MCAM: variants seen among roughly 807,000 people sequenced by gnomAD.
The protein encoded by MCAM is melanoma cell adhesion molecule, also known as cell surface glycoprotein MUC18.
Under a neutral mutation model 79.1 loss-of-function variants are expected in MCAM, and 55 were observed. That is an observed-to-expected ratio of 0.70 (90% CI 0.56 to 0.87). MCAM has a LOEUF of 0.87. Among genes scored for constraint, MCAM ranks in the 40% least tolerant of loss-of-function variants. The pLI, the probability that MCAM is intolerant of heterozygous loss-of-function variation, is 0.00. For synonymous variants in MCAM, 330 were observed against 339.8 expected, an observed-to-expected ratio of 0.97 and a Z score of 0.32; for missense variants, 745 against 839.8, an observed-to-expected ratio of 0.89 and a Z score of 1.40.
rs1224823871 is a variant in MCAM at position 119,311,254 on chromosome 11, A to T, written c.1549+26T>A. 1 of 1,613,614 alleles carries T rather than the reference A, an allele frequency of 6.2e-7. No individual in the cohort carries two copies. The highest frequency in any genetic ancestry group is 1.1e-5 in the South Asian group (1 of 91,074). On this transcript the variant is annotated intron_variant, in intron 12 of 15. Transcript: ENST00000264036. This position sits in a 1 kb window ranked among gnomAD's most constrained non-coding sequence, Gnocchi z 4.4. Reference sequence around the variant, plus strand: ...GCCCGTGCCTGGGCCTGCCCCTGCCATCCCCTGCAGGGATGCAGCCCTCAC... The same window carrying T: ...GCCCGTGCCTGGGCCTGCCCCTGCCTTCCCCTGCAGGGATGCAGCCCTCAC...
In MCAM at chr11:119,310,782, C is replaced by G. The variant is rs1412245066; in HGVS notation, c.1767G>C (p.Pro589=). 6.2e-7 allele frequency: 1 copy of G among 1,614,082 alleles called. No individual in the cohort carries two copies. The highest frequency in any genetic ancestry group is 1.1e-5 in the South Asian group (1 of 91,092). ...LYFLYKKGKL[P]CRRSGKQEIT... is the part of the protein sequence containing the mutation. ...TCTCCTGCTTCCCTGAGCGCCTGCA[C>G]GGCAGCTTGCCCTTCTTATAGAGGA... Residue 589 remains proline (P), a synonymous_variant, in exon 14 of 16, where the codon CCG becomes CCC. Transcript: ENST00000264036.
intron 4 of MCAM, 42 bp downstream of exon 4, chr11:119,314,637 G>A (rs6589732): frequency 0.41 from 655,262 of 1,610,622 alleles, 138,144 homozygotes; most frequent in Admixed American, 0.48. Flanking sequence ...CCATCTCAGC[G>A]GCTGCGCACC....
rs1251541175 is a variant in MCAM at position 119,315,649 on chromosome 11, G to A, written c.68-386C>T. 1 of 237,710 alleles carries A rather than the reference G, an allele frequency of 4.2e-6. No homozygotes were observed. The highest frequency in any genetic ancestry group is 8.5e-6 in the Non-Finnish European group (1 of 117,262). The allele number at this position is 237,710 out of a possible 1,614,324, so 14.7% of individuals were successfully genotyped here. ...GCATGTGCCAGGCTGGGGCACACAG[G>A]CCCTTTTGTGTCACCACCGCCAGGG... is the stretch of plus-strand genomic sequence containing the variant. On this transcript the variant is annotated intron_variant, in intron 1 of 15. Transcript: ENST00000264036. The surrounding 1 kb of genome is among the most constrained non-coding windows in gnomAD (Gnocchi z 4.4).
rs959299535 is a variant in MCAM at position 119,311,097 on chromosome 11, G to A, written c.1638C>T (p.Thr546=). The stretch of plus-strand genomic sequence containing the variant: ...TTGCCAGGCCTGGCTTACCTGTGGA[G>A]GTGCTGTTGGCTCTGGTATGAGGAC... ...TASPHTRANS[T]STERKLPEPE... Residue 546 remains threonine, a synonymous_variant, in exon 13 of 16, where the codon ACC becomes ACT. Coordinates refer to ENST00000264036, the MANE Select transcript of MCAM (RefSeq NM_006500.3). This position sits in a 1 kb window ranked among gnomAD's most constrained non-coding sequence, Gnocchi z 4.4. The A allele has an allele frequency of 6.2e-7, 1 of 1,614,264 alleles. No individual in the cohort carries two copies.
intron 5 of MCAM, chr11:119,313,806 C>T (rs1565281936): frequency 7.5e-6 from 2 of 267,580 alleles, no homozygotes; most frequent in Non-Finnish European, 1.2e-5. Context: ...CAGTAGCACC[C>T]CCTCTATGTG....
rs774889472 is a variant in MCAM, at chr11:119,312,691, C to T, written c.740-43G>A. 6.2e-7 allele frequency: 1 copy of T among 1,614,054 alleles called. No individual in the cohort carries two copies. Among genetic ancestry groups the T allele is most frequent in the East Asian group, 2.2e-5 (1 of 44,874 alleles). On this transcript the variant is annotated intron_variant, in intron 6 of 15. Transcript: ENST00000264036. The surrounding 1 kb of genome is among the most constrained non-coding windows in gnomAD (Gnocchi z 4.9). ...GTAGCTCTTGGCCCATGAGTCAACCCTGGGCTGGATAAGGGGGAGCCAGCA... is the reference window on the plus strand; with the variant it reads ...GTAGCTCTTGGCCCATGAGTCAACCTTGGGCTGGATAAGGGGGAGCCAGCA...
In MCAM at chr11:119,311,296, G is replaced by A. The variant is rs1950230269; in HGVS notation, c.1533C>T (p.Ile511=). 3 of 1,614,196 alleles carry A rather than the reference G, an allele frequency of 1.9e-6. No individual in the cohort carries two copies. In the East Asian group the frequency reaches 6.7e-5, roughly 36 times the overall value. Reference sequence around the variant, plus strand: ...AGCCCTCACCCAGCTCCAGGAAGAGGATGCTGGTGTTTTTGCCCAGGTCGT... The same window carrying A: ...AGCCCTCACCCAGCTCCAGGAAGAGAATGCTGGTGTTTTTGCCCAGGTCGT... ...ASNDLGKNTS[I]LFLELVNLTT... Residue 511 remains isoleucine (I), a synonymous_variant, in exon 12 of 16, where the codon ATC becomes ATT. Transcript: ENST00000264036. This position sits in a 1 kb window ranked among gnomAD's most constrained non-coding sequence, Gnocchi z 4.4.
In MCAM at chr11:119,317,020, T is replaced by A. The variant is rs1467058612; in HGVS notation, c.67+15A>T. On this transcript the variant is annotated intron_variant, in intron 1 of 15. Transcript: ENST00000264036. This position sits in a 1 kb window ranked among gnomAD's most constrained non-coding sequence, Gnocchi z 6.2. ...ACCCCTAGCCGGGGCGCGGCCCCCCTGCGAGCGAACTCACCCGCGACGCGA... is the reference window on the plus strand; with the variant it reads ...ACCCCTAGCCGGGGCGCGGCCCCCCAGCGAGCGAACTCACCCGCGACGCGA... 2.6e-6 allele frequency: 4 copies of A among 1,528,468 alleles called. No homozygotes were observed. Among genetic ancestry groups the A allele is most frequent in the Admixed American group, 2.0e-5 (1 of 50,636 alleles). The allele number at this position is 1,528,468 out of a possible 1,614,324, so 94.7% of individuals were successfully genotyped here.
At position 119,315,427 on chromosome 11, in the gene MCAM, G is replaced by A; in HGVS notation, c.68-164C>T. 1.2e-6 allele frequency: 1 copy of A among 827,846 alleles called. No individual in the cohort carries two copies. 51.3% of individuals were successfully genotyped at this position (827,846 alleles called of 1,614,324 possible). On this transcript the variant is annotated intron_variant, in intron 1 of 15. Transcript: ENST00000264036. The surrounding 1 kb of genome is among the most constrained non-coding windows in gnomAD (Gnocchi z 4.4). Reference sequence around the variant, plus strand: ...CCACCCCGACCCGCGCCCCACCTGGGCCAGCCCTCTCCCCGTCCAGGAGAT... The same window carrying A: ...CCACCCCGACCCGCGCCCCACCTGGACCAGCCCTCTCCCCGTCCAGGAGAT...
At position 119,315,113 on chromosome 11, in the gene MCAM, G is replaced by A. The variant is rs752582305; in HGVS notation, c.192+26C>T. ...GGGGCAGAGTCTCCCTCCCCGGGCT[G>A]CTCTTGCAGGAGCCCAAGCACTCAC... is the stretch of plus-strand genomic sequence containing the variant. On this transcript the variant is annotated intron_variant, in intron 2 of 15. Transcript: ENST00000264036. This position sits in a 1 kb window ranked among gnomAD's most constrained non-coding sequence, Gnocchi z 4.4. 8 of 1,613,060 alleles carry A rather than the reference G, an allele frequency of 5.0e-6. No individual in the cohort carries two copies. Among genetic ancestry groups the A allele is most frequent in the Non-Finnish European group, 6.8e-6 (8 of 1,179,990 alleles).
rs1950197666 is a variant in MCAM at position 119,309,655 on chromosome 11, T to C, written c.*231A>G. The C allele has an allele frequency of 2.3e-5, 12 of 518,376 alleles. 1 individual carries two copies. The highest frequency in any genetic ancestry group is 9.2e-5 in the East Asian group (3 of 32,696). 32.1% of individuals were successfully genotyped at this position (518,376 alleles called of 1,614,324 possible). A position where few individuals can be genotyped will look rare whatever the true frequency, so the allele number is the denominator to read the frequency against. On this transcript the variant is annotated 3_prime_UTR_variant, in exon 16 of 16. Coordinates refer to ENST00000264036, the MANE Select transcript of MCAM (RefSeq NM_006500.3). The stretch of plus-strand genomic sequence containing the variant: ...GGAGACTGGGGCTCCTTGCTTGGGA[T>C]GAGCTTCACTCAACGTGGAGGAGAT...
chr11:119,310,766 T>C lies in MCAM; in HGVS notation c.1783A>G (p.Lys595Glu). Residue 595 changes from lysine (K) to glutamate (E), a missense_variant, in exon 14 of 16, where the codon AAG becomes GAG. Lys to Glu is a moderately conservative substitution (Grantham distance 56). Transcript: ENST00000264036. ...KGKLPCRRSG[K>E]QEITLPPSRK... ...CGGTGTTGGGCTTACATCTCCTGCT[T>C]CCCTGAGCGCCTGCACGGCAGCTTG... is the stretch of plus-strand genomic sequence containing the variant. 6.2e-7 allele frequency: 1 copy of C among 1,613,956 alleles called. No homozygotes were observed. Among genetic ancestry groups the C allele is most frequent in the Non-Finnish European group, 8.5e-7 (1 of 1,180,000 alleles).
Position 119,310,896 on chromosome 11 carries a change from C to T in MCAM, c.1653G>A (p.Lys551=). ...CGCCCCGGCTCTCCGGCTCCGGCAG[C>T]TTTCTCTCTGCGCCACAAAGACACT... ...TRANSTSTER[K]LPEPESRGVV... is the part of the protein sequence containing the mutation. The change falls in exon 14 of 16, where the codon AAG becomes AAA. Residue 551 remains lysine (K), a synonymous_variant. Transcript: ENST00000264036. 6.2e-7 allele frequency: 1 copy of T among 1,614,186 alleles called. No homozygotes were observed. The highest frequency in any genetic ancestry group is 1.1e-5 in the South Asian group (1 of 91,082).
Position 119,310,089 on chromosome 11 carries a change from T to G in MCAM, c.1912-174A>C, listed in dbSNP as rs867135525. The G allele has an allele frequency of 2.4e-5, 16 of 653,826 alleles. 1 individual carries two copies. Among genetic ancestry groups the G allele is most frequent in the Middle Eastern group, 4.1e-4 (1 of 2,416 alleles). The allele number at this position is 653,826 out of a possible 1,614,324, so 40.5% of individuals were successfully genotyped here. On this transcript the variant is annotated intron_variant, in intron 15 of 15. Transcript: ENST00000264036. Reference sequence around the variant, plus strand: ...GGAAGGAGGGCGGCCCCCGTCTGACTGCACTGGTGAAATGGCCACACCCAG... The same window carrying G: ...GGAAGGAGGGCGGCCCCCGTCTGACGGCACTGGTGAAATGGCCACACCCAG...
At position 119,309,638 on chromosome 11, in the gene MCAM, G is replaced by C; in HGVS notation, c.*248C>G. The C allele has an allele frequency of 1.8e-6, 1 of 552,124 alleles. No homozygotes were observed. Among genetic ancestry groups the C allele is most frequent in the South Asian group, 2.5e-5 (1 of 39,868 alleles). The allele number at this position is 552,124 out of a possible 1,614,324, so 34.2% of individuals were successfully genotyped here. A position where few individuals can be genotyped will look rare whatever the true frequency, so the allele number is the denominator to read the frequency against. On this transcript the variant is annotated 3_prime_UTR_variant, in exon 16 of 16. Coordinates refer to ENST00000264036, the MANE Select transcript of MCAM (RefSeq NM_006500.3). ...ACTCTCCTACCCGCTCGGGAGACTG[G>C]GGCTCCTTGCTTGGGATGAGCTTCA...
Position 119,315,046 on chromosome 11 carries a change from G to T in MCAM, c.193-6C>A. The T allele has an allele frequency of 1.9e-6, 3 of 1,608,684 alleles. No individual in the cohort carries two copies. The highest frequency in any genetic ancestry group is 2.5e-6 in the Non-Finnish European group (3 of 1,179,732). On this transcript the variant is annotated splice_region_variant and splice_polypyrimidine_tract_variant and intron_variant, in intron 2 of 15. Transcript: ENST00000264036. This position sits in a 1 kb window ranked among gnomAD's most constrained non-coding sequence, Gnocchi z 4.4. ...GTCCGCTTCTCCTTGTGGACCTAATGGGAGGAGACACAGAGGAGGAGAAGG... is the reference window on the plus strand; with the variant it reads ...GTCCGCTTCTCCTTGTGGACCTAATTGGAGGAGACACAGAGGAGGAGAAGG...
At position 119,312,186 on chromosome 11, in the gene MCAM, T is replaced by G. The variant is rs1489741158; in HGVS notation, c.1025-16A>C. On this transcript the variant is annotated splice_polypyrimidine_tract_variant and intron_variant, in intron 8 of 15. Transcript: ENST00000264036. This position sits in a 1 kb window ranked among gnomAD's most constrained non-coding sequence, Gnocchi z 4.9. Reference sequence around the variant, plus strand: ...TCAGACACATCTGGGGGTACAGCAATCATGTCACCCAGGGCAGGGTGGGGC... The same window carrying G: ...TCAGACACATCTGGGGGTACAGCAAGCATGTCACCCAGGGCAGGGTGGGGC... The G allele has an allele frequency of 1.2e-6, 2 of 1,610,838 alleles. No individual in the cohort carries two copies. Among genetic ancestry groups the G allele is most frequent in the Non-Finnish European group, 1.7e-6 (2 of 1,178,038 alleles).
chr11:119,311,552 A>G lies in MCAM; in HGVS notation c.1385T>C (p.Ile462Thr). ...CACCGTGCCGTTGACGTTCCAGGAG[A>G]TGGTGGGCCGGGGGTGCCCTGACGC... ...CEASGHPRPT[I>T]SWNVNGTASE... The change falls in exon 11 of 16, where the codon ATC becomes ACC. Residue 462 changes from isoleucine to threonine, a missense_variant. By Grantham distance (89) the Ile-to-Thr change is moderately conservative (BLOSUM62 -1). Coordinates refer to ENST00000264036, the MANE Select transcript of MCAM (RefSeq NM_006500.3). This position sits in a 1 kb window ranked among gnomAD's most constrained non-coding sequence, Gnocchi z 4.4. 1 of 1,614,016 alleles carries G rather than the reference A, an allele frequency of 6.2e-7. No individual in the cohort carries two copies. Among genetic ancestry groups the G allele is most frequent in the Non-Finnish European group, 8.5e-7 (1 of 1,179,980 alleles).
Position 119,315,302 on chromosome 11 carries a change from T to C in MCAM, c.68-39A>G. ...GCGGGGCCCCCGCAGCTGTGTCAGC[T>C]CCGGCTGCTGTCCGCCCCTCCCCTC... On this transcript the variant is annotated intron_variant, in intron 1 of 15. Transcript: ENST00000264036. This position sits in a 1 kb window ranked among gnomAD's most constrained non-coding sequence, Gnocchi z 4.4. 1.9e-6 allele frequency: 3 copies of C among 1,585,284 alleles called. No homozygotes were observed. Among genetic ancestry groups the C allele is most frequent in the Middle Eastern group, 2.2e-4 (1 of 4,534 alleles).
Sources: allele counts gnomAD v4.1 joint callset, GRCh38; gene constraint gnomAD v4.1.1; non-coding constraint Gnocchi (gnomAD v3.1); transcripts MANE v1.5; gene names NCBI Gene and HGNC (gene_info 2026-07-23, HGNC 2026-07-21).